The following ERAP1 variants were observed in gnomAD, a reference collection of about 807,000 sequenced individuals.
ERAP1 encodes endoplasmic reticulum aminopeptidase 1, also known as adipocyte-derived leucine aminopeptidase.
Under a neutral mutation model 103.7 loss-of-function variants are expected in ERAP1, and 86 were observed. The observed-to-expected ratio is 0.83, with a 90% CI of 0.70 to 0.99. The LOEUF is 0.99. Among genes scored for constraint, ERAP1 ranks in the 50% least tolerant of loss-of-function variants. The probability of loss-of-function intolerance (pLI) is 0.00; values close to 1 mark genes in which losing one functional copy is unlikely to be tolerated. For missense variants in ERAP1, 1,009 were observed against 1,128.4 expected (o/e 0.89, Z 1.52); for synonymous variants, 398 against 402.4 (o/e 0.99, Z 0.13).
chr5:96,776,263 G>C lies in ERAP1; in HGVS notation c.*133C>G, dbSNP rs1486529730. ...AAACTAACAGCTATTCTTTTCACAG[G>C]GATAGTCAAAAAATGAGTTGAAGGG... On this transcript the variant is annotated 3_prime_UTR_variant, in exon 19 of 19. Transcript: ENST00000443439. 1.3e-6 allele frequency: 2 copies of C among 1,525,298 alleles called. No individual in the cohort carries two copies. The highest frequency in any genetic ancestry group is 1.8e-6 in the Non-Finnish European group (2 of 1,142,544). The allele number at this position is 1,525,298 out of a possible 1,614,324, so 94.5% of individuals were successfully genotyped here.
At chr5:96,878,412 A>AATC in the ERAP1 span, among the ~76,000 whole-genome samples, 3 of 151,590 alleles carry the variant, frequency 2.0e-5, no homozygotes, top group Non-Finnish European at 4.4e-5. Context: ...TAGTAATAAT[A>AATC]ATATCTGGTA....
the ERAP1 span, chr5:96,902,195 C>T: frequency 1.0e-5 from 10 of 979,736 alleles, no homozygotes; most frequent in Middle Eastern, 4.1e-4. Flanking sequence ...GTGCCTTTTA[C>T]AGTCTGTCTG....
At chr5:96,895,500 A>T in the ERAP1 span, 1 of 656,910 alleles carries the variant, frequency 1.5e-6, no homozygotes, top group Non-Finnish European at 2.7e-6. Flanking sequence ...GATACACGAA[A>T]CAGATCACAG....
chr5:96,870,983 G>A, the ERAP1 span, among the ~76,000 whole-genome samples: 1 of 152,148 alleles, frequency 6.6e-6, no homozygotes, highest in Non-Finnish European at 1.5e-5. Flanking sequence ...TTCTGGCAAC[G>A]TTTATTTTCT....
the ERAP1 span, chr5:96,912,860 T>G: frequency 1.4e-6 from 2 of 1,396,562 alleles, no homozygotes; most frequent in Non-Finnish European, 2.0e-6. Context: ...GTGAAGTCAC[T>G]AAAACTTCAG....
At chr5:96,910,477 C>A in the ERAP1 span, among the ~76,000 whole-genome samples, 1 of 151,024 alleles carries the variant, frequency 6.6e-6, no homozygotes, top group African/African-American at 2.4e-5. Flanking sequence ...TAAAAAAAAA[C>A]CTTTTAAATC....
At chr5:96,909,028 C>G in the ERAP1 span, 1 of 1,614,148 alleles carries the variant, frequency 6.2e-7, no homozygotes, top group Admixed American at 1.7e-5. Context: ...AACAAGCAGC[C>G]CCGCACTTCT....
At chr5:96,835,569 T>G in the ERAP1 span, among the ~76,000 whole-genome samples, 1 of 152,246 alleles carries the variant, frequency 6.6e-6, no homozygotes, top group South Asian at 2.1e-4. Flanking sequence ...TTTAAAACAA[T>G]TATTGCTGAT....
chr5:96,837,524 G>T, the ERAP1 span, among the ~76,000 whole-genome samples: 3 of 152,220 alleles, frequency 2.0e-5, no homozygotes, highest in African/African-American at 7.2e-5. Context: ...GACGGGGAGC[G>T]CAGGTGGGTG....
chr5:96,779,153 G>T (rs1311754408), intron 18 of ERAP1, among the ~76,000 whole-genome samples: 4 of 152,080 alleles, frequency 2.6e-5, no homozygotes, highest in African/African-American at 9.7e-5. Flanking sequence ...TGGTTGATTT[G>T]TCTGTAATTG....
the ERAP1 span, chr5:96,903,433 G>A: frequency 6.2e-7 from 1 of 1,613,874 alleles, no homozygotes; most frequent in Non-Finnish European, 8.5e-7. Flanking sequence ...GGACTCAAAT[G>A]GTTACTACAT....
rs138623317 is a variant in ERAP1 at position 96,787,875 on chromosome 5, T to TAG, written c.1679+654_1679+655dup. ...CCACACAAACATATACATATATATA[T>TAG]AGAGAGAGAGAGAGAGCAAGAGAGA... On this transcript the variant is annotated intron_variant, in intron 11 of 18. Transcript: ENST00000443439. Among the ~76,000 whole-genome samples the TAG allele has an allele frequency of 1.0e-3, 152 of 147,920 alleles. 1 individual carries two copies. The highest frequency in any genetic ancestry group is 2.4e-4 in the Non-Finnish European group (16 of 66,538).
At position 96,793,961 on chromosome 5, in the gene ERAP1, G is replaced by C; in HGVS notation, c.920-4C>G. 1 of 1,613,836 alleles carries C rather than the reference G, an allele frequency of 6.2e-7. No individual in the cohort carries two copies. Among genetic ancestry groups the C allele is most frequent in the Non-Finnish European group, 8.5e-7 (1 of 1,179,846 alleles). ...AAGTCGGGAATAGCAGCAAGATCTTGGGAAGGAAGTAATAAAATACATTAC... is the reference window on the plus strand; with the variant it reads ...AAGTCGGGAATAGCAGCAAGATCTTCGGAAGGAAGTAATAAAATACATTAC... On this transcript the variant is annotated splice_polypyrimidine_tract_variant and splice_region_variant and intron_variant, in intron 5 of 18. Coordinates refer to ENST00000443439, the MANE Select transcript of ERAP1 (RefSeq NM_001040458.3).
At chr5:96,854,456 A>AC in the ERAP1 span, among the ~76,000 whole-genome samples, 2 of 151,196 alleles carry the variant, frequency 1.3e-5, no homozygotes, top group African/African-American at 4.9e-5. Context: ...ACAAACAACA[A>AC]AAAAAAAACC....
At chr5:96,895,095 T>C in the ERAP1 span, 57 of 550,034 alleles carry the variant, frequency 1.0e-4, no homozygotes, top group African/African-American at 7.7e-4. Flanking sequence ...AGGAAATCAG[T>C]AGAAGAAAAT....
chr5:96,800,519 T>C (rs1777862464), intron 3 of ERAP1, among the ~76,000 whole-genome samples: 1 of 152,212 alleles, frequency 6.6e-6, no homozygotes, highest in African/African-American at 2.4e-5. Context: ...ACCTTTAAAA[T>C]CATTTTAAAA....
chr5:96,864,236 T>G, the ERAP1 span, among the ~76,000 whole-genome samples: 79 of 152,360 alleles, frequency 5.2e-4, no homozygotes, highest in South Asian at 0.016. Context: ...AGTGGCGATT[T>G]GACACTTACC....
At chr5:96,901,417 T>G in the ERAP1 span, 2 of 1,420,100 alleles carry the variant, frequency 1.4e-6, no homozygotes, top group Non-Finnish European at 1.9e-6. Flanking sequence ...AAGCCTTGTT[T>G]CTGGCATCCA....
the ERAP1 span, chr5:96,909,429 C>T: frequency 4.5e-6 from 3 of 672,994 alleles, no homozygotes; most frequent in Non-Finnish European, 7.6e-6. Flanking sequence ...TGGGTAACAG[C>T]CAGAAAAAGA....
Sources: gnomAD v4.1 joint callset for allele counts (sites outside exome capture counted in the v4.1 genomes callset) on GRCh38, gnomAD v4.1.1 for gene constraint, MANE v1.5 for transcripts, NCBI Gene and HGNC (gene_info 2026-07-23, HGNC 2026-07-21) for gene names.